JPH3: variants seen among roughly 807,000 people sequenced by gnomAD.
JPH3 encodes the protein junctophilin-3.
A neutral mutation model predicts 59.6 loss-of-function variants in JPH3; 11 were observed. The ratio of observed to expected loss-of-function variants is 0.18; its 90% CI spans 0.12 to 0.31. JPH3 has a LOEUF of 0.31. Ranked by LOEUF, JPH3 falls within the 10% of genes least tolerant of loss-of-function variation. The pLI is 1.00. For missense variants in JPH3, 1,202 were observed against 1,105.7 expected, an observed-to-expected ratio of 1.09 and a Z score of -1.24; for synonymous variants, 673 against 483.6, an observed-to-expected ratio of 1.39 and a Z score of -5.14.
chr16:87,644,565 C>T lies in JPH3; in HGVS notation c.690C>T (p.Ser230=). The change falls in exon 2 of 5, where the codon TCC becomes TCT. Residue 230 remains serine, a synonymous_variant. Transcript: ENST00000284262. ...LSGLKLRKSE[S]KSSLASQRSK... is the part of the protein sequence containing the mutation. ...GGCTGAAGCTGCGCAAGTCGGAGTC[C>T]AAGAGCAGCCTGGCCAGCCAACGCA... is the stretch of plus-strand genomic sequence containing the variant. The T allele has an allele frequency of 1.2e-6, 2 of 1,612,804 alleles. No homozygotes were observed. Among genetic ancestry groups the T allele is most frequent in the Non-Finnish European group, 1.7e-6 (2 of 1,179,804 alleles).
At chr16:87,682,199 CTG>C (rs2033313284) in intron 2 of JPH3, among the ~76,000 whole-genome samples, 1 of 151,742 alleles carries the variant, frequency 6.6e-6, no homozygotes. Context: ...ATATTACTCT[CTG>C]TATGTAAATG....
intron 2 of JPH3, among the ~76,000 whole-genome samples, chr16:87,661,985 T>C (rs1463151508): frequency 1.3e-5 from 2 of 152,238 alleles, no homozygotes; most frequent in Non-Finnish European, 2.9e-5. Flanking sequence ...CGTCCTGTTA[T>C]TTAGTATGTT....
At chr16:87,610,979 T>A (rs1306084179) in intron 1 of JPH3, among the ~76,000 whole-genome samples, 1 of 152,246 alleles carries the variant, frequency 6.6e-6, no homozygotes. Context: ...GAGAAGCATT[T>A]GCCAAGTTCA....
At chr16:87,671,231 C>G (rs1160438261) in intron 2 of JPH3, among the ~76,000 whole-genome samples, 1 of 152,176 alleles carries the variant, frequency 6.6e-6, no homozygotes, top group African/African-American at 2.4e-5. Context: ...CTAGCATGCT[C>G]TCACCTGCCT....
At chr16:87,646,944 T>C (rs565407893) in intron 2 of JPH3, among the ~76,000 whole-genome samples, 1 of 152,210 alleles carries the variant, frequency 6.6e-6, no homozygotes, top group South Asian at 2.1e-4. Context: ...CCCTAGACAT[T>C]AAGAGAAGCG....
chr16:87,603,716 C>T (rs1490428030), intron 1 of JPH3, among the ~76,000 whole-genome samples, 188 bp downstream of exon 1: 1 of 152,226 alleles, frequency 6.6e-6, no homozygotes, highest in East Asian at 1.9e-4. Flanking sequence ...CTGGTGGGGA[C>T]AGTGCCCCTG....
intron 1 of JPH3, among the ~76,000 whole-genome samples, chr16:87,634,829 T>C (rs556403000): frequency 7.2e-5 from 11 of 152,370 alleles, no homozygotes; most frequent in African/African-American, 2.4e-4. Context: ...TGGGACTGGC[T>C]GAGAGACGCT....
At chr16:87,648,526 C>T (rs1413907153) in intron 2 of JPH3, among the ~76,000 whole-genome samples, 1 of 152,184 alleles carries the variant, frequency 6.6e-6, no homozygotes, top group African/African-American at 2.4e-5. Context: ...CGGTGTCCTC[C>T]GCGGAGTGCC....
At chr16:87,654,608 G>A (rs1422178837) in intron 2 of JPH3, 1 of 151,360 alleles carries the variant, frequency 6.6e-6, no homozygotes, top group Non-Finnish European at 1.5e-5. Flanking sequence ...GCTGGGGAAT[G>A]GGATGGGAAG....
rs541688958 is a variant in JPH3, at chr16:87,634,614, G to T, written c.383-9644G>T. ...GGCTCCCCTGCCCCAGGCCCAGGCT[G>T]GTGGATCTAATTGGGATTTGGTAAG... is the stretch of plus-strand genomic sequence containing the variant. On this transcript the variant is annotated intron_variant, in intron 1 of 4. Coordinates refer to ENST00000284262, the MANE Select transcript of JPH3 (RefSeq NM_020655.4). Among the ~76,000 whole-genome samples, 6 of 152,372 alleles carry T rather than the reference G, an allele frequency of 3.9e-5. No homozygotes were observed. The East Asian group carries it at 1.2e-3, about 29-fold the overall frequency.
At chr16:87,627,416 C>A (rs1010357870) in intron 1 of JPH3, among the ~76,000 whole-genome samples, 6 of 152,220 alleles carry the variant, frequency 3.9e-5, no homozygotes, top group African/African-American at 1.4e-4. Flanking sequence ...ACAGGTTAGA[C>A]CACTGAGACC....
At chr16:87,606,614 C>T (rs764148112) in intron 1 of JPH3, among the ~76,000 whole-genome samples, 1 of 152,306 alleles carries the variant, frequency 6.6e-6, no homozygotes, top group South Asian at 2.1e-4. Flanking sequence ...GAGCTTGTTT[C>T]TTCATCTTTA....
At position 87,690,160 on chromosome 16, in the gene JPH3, G is replaced by A; in HGVS notation, c.1800G>A (p.Leu600=). The A allele has an allele frequency of 1.3e-6, 2 of 1,598,944 alleles. No homozygotes were observed. The highest frequency in any genetic ancestry group is 1.1e-5 in the South Asian group (1 of 88,688). Residue 600 remains leucine, a synonymous_variant, in exon 4 of 5, where the codon CTG becomes CTA. Coordinates refer to ENST00000284262, the MANE Select transcript of JPH3 (RefSeq NM_020655.4). ...ACCACAGCCCCGGAGGCTCCAGGCT[G>A]CTGGAGCTGCAGGAGGAGAAGCTGA... is the stretch of plus-strand genomic sequence containing the variant. ...ASNHSPGGSR[L]LELQEEKLSN...
chr16:87,611,540 C>T lies in JPH3; in HGVS notation c.382+8012C>T, dbSNP rs1370493020. The stretch of plus-strand genomic sequence containing the variant: ...GAATGTCACGGGTATTGTTCTGGAC[C>T]CAGGGAAGGCTCGCTGGTGCAAATG... On this transcript the variant is annotated intron_variant, in intron 1 of 4. Transcript: ENST00000284262. This position sits in a 1 kb window ranked among gnomAD's most constrained non-coding sequence, Gnocchi z 4.5. Among the ~76,000 whole-genome samples the T allele has an allele frequency of 1.3e-5, 2 of 152,136 alleles. No individual in the cohort carries two copies. Among genetic ancestry groups the T allele is most frequent in the Non-Finnish European group, 2.9e-5 (2 of 68,020 alleles).
intron 1 of JPH3, among the ~76,000 whole-genome samples, chr16:87,615,866 G>A (rs926369620): frequency 6.6e-6 from 1 of 152,226 alleles, no homozygotes; most frequent in Admixed American, 6.5e-5. Context: ...CCCGGGCACA[G>A]CACCCGACAG....
At position 87,644,261 on chromosome 16, in the gene JPH3, C is replaced by T; in HGVS notation, c.386C>T (p.Thr129Ile). Reference sequence around the variant, plus strand: ...CCCTCTCTCATTTTCTCCCCAGGGACCTACCAGGGCCAGTGGGTCGGTGGC... The same window carrying T: ...CCCTCTCTCATTTTCTCCCCAGGGATCTACCAGGGCCAGTGGGTCGGTGGC... ...YGTETYSDGG[T>I]YQGQWVGGMR... Residue 129 changes from threonine to isoleucine, a missense_variant, in exon 2 of 5, where the codon ACC becomes ATC. Transcript: ENST00000284262. The T allele has an allele frequency of 1.2e-6, 2 of 1,604,032 alleles. No homozygotes were observed. The highest frequency in any genetic ancestry group is 1.7e-6 in the Non-Finnish European group (2 of 1,175,190).
intron 1 of JPH3, among the ~76,000 whole-genome samples, chr16:87,636,893 G>A (rs988178670): frequency 7.9e-5 from 12 of 152,358 alleles, no homozygotes; most frequent in African/African-American, 2.9e-4. Flanking sequence ...AGATGTGACT[G>A]ACCTTCCCCG....
intron 3 of JPH3, among the ~76,000 whole-genome samples, chr16:87,688,352 T>G (rs1350266755): frequency 6.6e-6 from 1 of 152,204 alleles, no homozygotes; most frequent in Non-Finnish European, 1.5e-5. Context: ...CAGCCCAGCC[T>G]GGTGGCGTCG....
chr16:87,645,024 C>G lies in JPH3; in HGVS notation c.1149C>G (p.Ile383Met). The G allele has an allele frequency of 1.9e-6, 3 of 1,602,372 alleles. No homozygotes were observed. The highest frequency in any genetic ancestry group is 2.2e-5 in the South Asian group (2 of 90,886). Residue 383 changes from isoleucine (I) to methionine (M), a missense_variant, in exon 2 of 5, where the codon ATC (isoleucine) becomes ATG (methionine). By Grantham distance (10) the Ile-to-Met change is conservative (BLOSUM62 1). Transcript: ENST00000284262. ...CCATCGCCAAGCAGAAGGCTGAGAT[C>G]GCGGCTTCCAGGTAGGAGGGCGAGG... is the stretch of plus-strand genomic sequence containing the variant. ...AATIAKQKAEIAASRTSHSRA... is the reference protein window; with the variant it reads ...AATIAKQKAEMAASRTSHSRA...
Sources: gnomAD v4.1 joint callset for allele counts (sites outside exome capture counted in the v4.1 genomes callset) on GRCh38, gnomAD v4.1.1 for gene constraint, Gnocchi (gnomAD v3.1) non-coding constraint, MANE v1.5 for transcripts, NCBI Gene and HGNC (gene_info 2026-07-23, HGNC 2026-07-21) for gene names.